MORN5: variants seen among roughly 807,000 people sequenced by gnomAD.
The protein encoded by MORN5 is MORN repeat containing 5, also known as MORN repeat-containing protein 5.
In MORN5, 21 loss-of-function variants were observed where a neutral mutation model predicts 22.1. The observed-to-expected ratio is 0.95, with a 90% confidence interval of 0.67 to 1.37. The LOEUF (loss-of-function observed/expected upper bound fraction) is 1.37, where lower values mean the gene tolerates loss of function less well. Ranked by LOEUF, MORN5 falls within the 40% of genes most tolerant of loss-of-function variation. MORN5 has a pLI of 0.00. For synonymous variants in MORN5, 73 were observed against 74.0 expected (o/e 0.99, Z 0.07); for missense variants, 211 against 215.1 (o/e 0.98, Z 0.12).
chr9:122,160,886 A>G (rs1195198036), intron 1 of MORN5, among the ~76,000 whole-genome samples: 1 of 152,202 alleles, frequency 6.6e-6, no homozygotes, highest in Non-Finnish European at 1.5e-5. Context: ...GTGCCCAGCA[A>G]TTCAACAATG....
At chr9:122,190,457 T>C (rs1829737772) in intron 4 of MORN5, among the ~76,000 whole-genome samples, 1 of 152,276 alleles carries the variant, frequency 6.6e-6, no homozygotes, top group Admixed American at 6.5e-5. Flanking sequence ...TCAAGTGTAA[T>C]AAAATTGTTT....
chr9:122,180,829 C>T (rs1048782205), intron 4 of MORN5, among the ~76,000 whole-genome samples: 2 of 152,174 alleles, frequency 1.3e-5, no homozygotes, highest in African/African-American at 4.8e-5. Context: ...TAGCCTATCT[C>T]CCCCACAAGT....
intron 4 of MORN5, among the ~76,000 whole-genome samples, chr9:122,175,917 A>G (rs1256049636): frequency 1.3e-5 from 2 of 152,002 alleles, no homozygotes; most frequent in South Asian, 2.1e-4. Flanking sequence ...GATCGAGACC[A>G]TCCTGGTTAA....
At chr9:122,171,053 T>C (rs1034259991) in intron 3 of MORN5, among the ~76,000 whole-genome samples, 12 of 152,118 alleles carry the variant, frequency 7.9e-5, no homozygotes, top group African/African-American at 2.4e-4. Flanking sequence ...ATATCCAAAA[T>C]GACAGATGGG....
chr9:122,175,976 C>T (rs1829445039), intron 4 of MORN5, among the ~76,000 whole-genome samples: 3 of 151,902 alleles, frequency 2.0e-5, no homozygotes, highest in South Asian at 2.1e-4. Context: ...TAGCCGGGTG[C>T]GGTGGCGGGC....
At chr9:122,162,013 A>G (rs1829207786) in intron 1 of MORN5, among the ~76,000 whole-genome samples, 1 of 152,164 alleles carries the variant, frequency 6.6e-6, no homozygotes, top group Non-Finnish European at 1.5e-5. Context: ...GTTGTTCTGT[A>G]CTGATTTTGT....
chr9:122,195,320 T>G (rs764700886), intron 4 of MORN5, among the ~76,000 whole-genome samples: 1 of 152,238 alleles, frequency 6.6e-6, no homozygotes, highest in Non-Finnish European at 1.5e-5. Flanking sequence ...ATGGTACATC[T>G]GTCACAGTTA....
chr9:122,172,101 A>G (rs1415850934), intron 3 of MORN5, among the ~76,000 whole-genome samples: 2 of 150,706 alleles, frequency 1.3e-5, no homozygotes, highest in African/African-American at 4.9e-5. Flanking sequence ...AGCTGGAACT[A>G]CAGGAATGCG....
At chr9:122,160,366 A>G (rs1829173565) in intron 1 of MORN5, among the ~76,000 whole-genome samples, 1 of 152,216 alleles carries the variant, frequency 6.6e-6, no homozygotes, top group African/African-American at 2.4e-5. Context: ...ATAATGGTAA[A>G]TGCTATAAAA....
At chr9:122,167,482 A>T (rs572738300) in intron 2 of MORN5, among the ~76,000 whole-genome samples, 2 of 149,998 alleles carry the variant, frequency 1.3e-5, no homozygotes, top group African/African-American at 4.9e-5. Flanking sequence ...CCTCCTGAGT[A>T]GCTGGGATTA....
chr9:122,166,925 T>TG lies in MORN5; in HGVS notation c.195+16dup, dbSNP rs758902568. 2.1e-5 allele frequency: 34 copies of TG among 1,610,926 alleles called. No individual in the cohort carries two copies. The highest frequency in any genetic ancestry group is 9.4e-5 in the African/African-American group (7 of 74,802). ...CGGATTGGCCATAAAGGTGATCAGC[T>TG]GGGGGGACGGATGCTGTGGAGGAGA... On this transcript the variant is annotated intron_variant, in intron 2 of 4. Transcript: ENST00000373764.
chr9:122,177,807 C>A (rs1293517918), intron 4 of MORN5, among the ~76,000 whole-genome samples: 2 of 152,204 alleles, frequency 1.3e-5, no homozygotes, highest in Non-Finnish European at 2.9e-5. Flanking sequence ...GATATTAAGT[C>A]TTCTGTACAA....
At chr9:122,188,972 G>T (rs941165205) in intron 4 of MORN5, among the ~76,000 whole-genome samples, 2 of 152,026 alleles carry the variant, frequency 1.3e-5, no homozygotes, top group Non-Finnish European at 2.9e-5. Context: ...AGGTGGGTGG[G>T]TCACTTGAGG....
chr9:122,185,899 G>A (rs1829623266), intron 4 of MORN5, among the ~76,000 whole-genome samples: 1 of 152,176 alleles, frequency 6.6e-6, no homozygotes, highest in African/African-American at 2.4e-5. Context: ...TCTGCAAAAT[G>A]GCCGAGTGAG....
At chr9:122,162,656 A>G (rs1283211191) in intron 1 of MORN5, among the ~76,000 whole-genome samples, 1 of 152,246 alleles carries the variant, frequency 6.6e-6, no homozygotes, top group Non-Finnish European at 1.5e-5. Context: ...GGAGTGAACT[A>G]TTGGTACACA....
chr9:122,184,022 G>A (rs1007614680), intron 4 of MORN5, among the ~76,000 whole-genome samples: 3 of 152,188 alleles, frequency 2.0e-5, no homozygotes, highest in Non-Finnish European at 2.9e-5. Flanking sequence ...TGGCTTATGT[G>A]ACTCGGCTGC....
intron 4 of MORN5, among the ~76,000 whole-genome samples, chr9:122,184,318 A>G (rs574403801): frequency 4.0e-4 from 61 of 152,354 alleles, no homozygotes; most frequent in African/African-American, 1.4e-3. Flanking sequence ...AAAAGCTCCC[A>G]GACATGATGT....
At chr9:122,199,547 G>A (rs1829966814) in intron 4 of MORN5, among the ~76,000 whole-genome samples, 1 of 152,156 alleles carries the variant, frequency 6.6e-6, no homozygotes, top group Non-Finnish European at 1.5e-5. Context: ...CTGTCCTGGG[G>A]CTGTCGTGCG....
chr9:122,160,148 AC>A, intron 1 of MORN5, 129 bp downstream of exon 1: 2 of 742,680 alleles, frequency 2.7e-6, no homozygotes, highest in Non-Finnish European at 4.6e-6. Context: ...TTTTTCAAGG[AC>A]CATATCTAAT....
Sources: allele counts gnomAD v4.1 joint callset (sites outside exome capture counted in the v4.1 genomes callset), GRCh38; gene constraint gnomAD v4.1.1; transcripts MANE v1.5; gene names NCBI Gene and HGNC (gene_info 2026-07-23, HGNC 2026-07-21).